The following DOCK1 variants were observed in gnomAD, a reference collection of about 807,000 sequenced individuals.
The protein encoded by DOCK1 is dedicator of cytokinesis 1, also known as dedicator of cytokinesis protein 1.
A neutral mutation model predicts 262.7 loss-of-function variants in DOCK1; 138 were observed. The ratio of observed to expected loss-of-function variants is 0.53; its 90% CI spans 0.46 to 0.61. DOCK1 has a LOEUF of 0.61. Ranked by LOEUF, DOCK1 falls within the 20% of genes least tolerant of loss-of-function variation. The pLI, the probability that DOCK1 is intolerant of heterozygous loss-of-function variation, is 0.00. For missense variants in DOCK1, 1,908 were observed against 2,370.7 expected (o/e 0.80, Z 4.05); for synonymous variants, 866 against 867.4 (o/e 1.00, Z 0.03).
intron 19 of DOCK1, among the ~76,000 whole-genome samples, chr10:127,038,407 A>AG (rs1299611079): frequency 6.6e-6 from 1 of 152,094 alleles, no homozygotes; most frequent in Admixed American, 6.5e-5. Flanking sequence ...GACTCACAAC[A>AG]GTTCAGTGAC....
chr10:127,157,238 C>T (rs976348849), intron 27 of DOCK1, among the ~76,000 whole-genome samples: 2 of 152,136 alleles, frequency 1.3e-5, no homozygotes, highest in Non-Finnish European at 2.9e-5. Context: ...CATCTGTTGA[C>T]CCAGGGTTGG....
intron 29 of DOCK1, among the ~76,000 whole-genome samples, chr10:127,318,762 C>T (rs2062394231): frequency 6.6e-6 from 1 of 152,324 alleles, no homozygotes; most frequent in South Asian, 2.1e-4. Context: ...GTGGAGTTTG[C>T]CTTCTACTTA....
chr10:127,369,358 T>C (rs1473870259), intron 33 of DOCK1, among the ~76,000 whole-genome samples: 1 of 152,214 alleles, frequency 6.6e-6, no homozygotes, highest in African/African-American at 2.4e-5. Context: ...AAGAGGCTTC[T>C]GTTTCATTGA....
At chr10:127,439,458 G>T (rs2069928283) in intron 49 of DOCK1, among the ~76,000 whole-genome samples, 1 of 152,202 alleles carries the variant, frequency 6.6e-6, no homozygotes, top group South Asian at 2.1e-4. Context: ...CCTTCCGCAG[G>T]GCCTGGGGCG....
intron 46 of DOCK1, among the ~76,000 whole-genome samples, chr10:127,421,555 C>T (rs1424402012): frequency 6.6e-6 from 1 of 152,108 alleles, no homozygotes; most frequent in East Asian, 1.9e-4. Flanking sequence ...CAACCAGCAC[C>T]GCCACCATCC....
In DOCK1 at chr10:127,447,504, C is replaced by G; in HGVS notation, c.5524C>G (p.Leu1842Val). The G allele has an allele frequency of 6.2e-7, 1 of 1,613,888 alleles. No individual in the cohort carries two copies. The highest frequency in any genetic ancestry group is 8.5e-7 in the Non-Finnish European group (1 of 1,179,848). ...GAATTTGATGGAAAACCAGGACTTGCTGGGCTCGCCAACACCTCCACCTCC... is the reference window on the plus strand; with the variant it reads ...GAATTTGATGGAAAACCAGGACTTGGTGGGCTCGCCAACACCTCCACCTCC... Reference protein sequence around the residue: ...YGNLMENQDLLGSPTPPPPPP... With the variant: ...YGNLMENQDLVGSPTPPPPPP... Residue 1842 changes from leucine to valine, a missense_variant, in exon 51 of 52, where the codon CTG (leucine) becomes GTG (valine). Leu to Val is a conservative substitution (Grantham distance 32). Coordinates refer to ENST00000623213, the MANE Select transcript of DOCK1 (RefSeq NM_001290223.2).
At chr10:127,392,743 C>A (rs941077563) in intron 38 of DOCK1, among the ~76,000 whole-genome samples, 1 of 152,140 alleles carries the variant, frequency 6.6e-6, no homozygotes, top group African/African-American at 2.4e-5. Context: ...CCTCCCACCT[C>A]CCCACCCCCA....
At chr10:127,417,664 C>T (rs951356889) in intron 44 of DOCK1, among the ~76,000 whole-genome samples, 1 of 152,216 alleles carries the variant, frequency 6.6e-6, no homozygotes, top group African/African-American at 2.4e-5. Context: ...CAACCCCTGC[C>T]TCCTGGGTTC....
intron 51 of DOCK1, 102 bp downstream of exon 51, chr10:127,447,647 G>A: frequency 6.7e-7 from 1 of 1,486,472 alleles, no homozygotes; most frequent in Non-Finnish European, 9.0e-7. Context: ...GGGCTAGTGA[G>A]CACATGAGGA....
intron 18 of DOCK1, among the ~76,000 whole-genome samples, 155 bp from the exon 19 acceptor site, chr10:127,037,564 C>T (rs935245570): frequency 7.2e-5 from 11 of 152,248 alleles, no homozygotes; most frequent in African/African-American, 2.6e-4. Flanking sequence ...TATGTTGCTA[C>T]AAAGGAATGG....
chr10:127,247,241 T>G (rs1028890114), intron 27 of DOCK1, among the ~76,000 whole-genome samples: 2 of 152,202 alleles, frequency 1.3e-5, no homozygotes, highest in Non-Finnish European at 2.9e-5. Flanking sequence ...TTTTCTGTGT[T>G]GCTTTCTTTT....
intron 1 of DOCK1, among the ~76,000 whole-genome samples, chr10:126,928,456 C>T (rs1436980435): frequency 6.6e-6 from 1 of 152,070 alleles, no homozygotes; most frequent in Non-Finnish European, 1.5e-5. Flanking sequence ...ATCCAGGATG[C>T]CTGGTGTCCT....
At chr10:127,210,199 A>G (rs1019030775) in intron 27 of DOCK1, among the ~76,000 whole-genome samples, 2 of 152,324 alleles carry the variant, frequency 1.3e-5, no homozygotes, top group East Asian at 1.9e-4. Context: ...CCCATTACCT[A>G]TGGAAACCAC....
chr10:127,433,839 T>C (rs764493412), intron 48 of DOCK1, among the ~76,000 whole-genome samples: 3 of 151,978 alleles, frequency 2.0e-5, no homozygotes, highest in Non-Finnish European at 4.4e-5. Flanking sequence ...ATTTCTTCTT[T>C]TTTTTTTTTT....
At chr10:127,338,959 G>A in intron 29 of DOCK1, 47 bp from the exon 30 acceptor site, 1 of 1,490,940 alleles carries the variant, frequency 6.7e-7, no homozygotes, top group Non-Finnish European at 9.1e-7. Context: ...CTACCGAAGT[G>A]CCAGAGCGTA....
chr10:127,031,012 C>A (rs1315741160), intron 16 of DOCK1, among the ~76,000 whole-genome samples: 1 of 152,228 alleles, frequency 6.6e-6, no homozygotes, highest in Non-Finnish European at 1.5e-5. Context: ...AGCGAGTGAG[C>A]CCCACATGCA....
chr10:127,175,748 T>A lies in DOCK1; in HGVS notation c.2847+47984T>A, dbSNP rs2055051882. The A allele has an allele frequency of 6.2e-7, 1 of 1,613,988 alleles. No individual in the cohort carries two copies. Among genetic ancestry groups the A allele is most frequent in the African/African-American group, 1.3e-5 (1 of 74,924 alleles). On this transcript the variant is annotated intron_variant, in intron 27 of 51. Transcript: ENST00000623213. This position sits in a 1 kb window ranked among gnomAD's most constrained non-coding sequence, Gnocchi z 6.3. ...GCAGCTGGTAATCGGGCTCTTCGGA[T>A]GGAGGCCGAGTGGAGTTTTGGAGCG...
intron 1 of DOCK1, among the ~76,000 whole-genome samples, chr10:126,962,962 G>C (rs1328588587): frequency 1.3e-5 from 2 of 151,974 alleles, no homozygotes; most frequent in Non-Finnish European, 2.9e-5. Context: ...AGTTTTCCCA[G>C]CACCATTTGT....
At chr10:127,265,211 A>G (rs991715595) in intron 29 of DOCK1, among the ~76,000 whole-genome samples, 12 of 152,240 alleles carry the variant, frequency 7.9e-5, no homozygotes, top group Non-Finnish European at 2.9e-5. Flanking sequence ...AGTCTTGTCT[A>G]GTCGTTGACC....
Sources: allele counts gnomAD v4.1 joint callset (sites outside exome capture counted in the v4.1 genomes callset), GRCh38; gene constraint gnomAD v4.1.1; non-coding constraint Gnocchi (gnomAD v3.1); transcripts MANE v1.5; gene names NCBI Gene and HGNC (gene_info 2026-07-23, HGNC 2026-07-21).